Variants in RNF11 observed in about 807,000 individuals in gnomAD.
The protein encoded by RNF11 is ring finger protein 11.
Under a neutral mutation model 15.8 loss-of-function variants are expected in RNF11, and 4 were observed. The ratio of observed to expected loss-of-function variants is 0.25; its 90% CI spans 0.12 to 0.58. RNF11 has a LOEUF of 0.58. RNF11 is among the 20% of genes least tolerant of loss of function. RNF11 has a pLI of 0.91. For missense variants in RNF11, 139 were observed against 194.4 expected (o/e 0.71, Z 1.70); for synonymous variants, 68 against 72.3 (o/e 0.94, Z 0.30).
intron 1 of RNF11, among the ~76,000 whole-genome samples, chr1:51,240,325 A>G (rs1646822788): frequency 6.6e-6 from 1 of 152,050 alleles, no homozygotes; most frequent in Non-Finnish European, 1.5e-5. Flanking sequence ...CCCAGATTTC[A>G]TGGCTGACTG....
chr1:51,271,135 C>T lies in RNF11; in HGVS notation c.294-16C>T, dbSNP rs200631850. 69 of 1,607,762 alleles carry T rather than the reference C, an allele frequency of 4.3e-5. No individual in the cohort carries two copies. Among genetic ancestry groups the T allele is most frequent in the Non-Finnish European group, 5.9e-5 (69 of 1,175,448 alleles). Reference sequence around the variant, plus strand: ...TCTGAAAATGCCTTCTGATTTCTCTCCATTGCTCTCAACAGGTGTGTGATC... The same window carrying T: ...TCTGAAAATGCCTTCTGATTTCTCTTCATTGCTCTCAACAGGTGTGTGATC... On this transcript the variant is annotated splice_polypyrimidine_tract_variant and intron_variant, in intron 2 of 2. Transcript: ENST00000242719.
intron 1 of RNF11, among the ~76,000 whole-genome samples, chr1:51,243,564 G>A (rs1646839611): frequency 6.6e-6 from 1 of 152,014 alleles, no homozygotes; most frequent in South Asian, 2.1e-4. Flanking sequence ...TCAGCCTCCC[G>A]AGTAGCTGGG....
At position 51,271,325 on chromosome 1, in the gene RNF11, C is replaced by T. The variant is rs1388897084; in HGVS notation, c.*3C>T. 1 of 1,607,898 alleles carries T rather than the reference C, an allele frequency of 6.2e-7. No homozygotes were observed. The highest frequency in any genetic ancestry group is 1.1e-5 in the South Asian group (1 of 90,296). ...TTTCATCCTATGAGACTAATTGAGC[C>T]AGGGTCTCTTATCTGACTTCAAGTG... is the stretch of plus-strand genomic sequence containing the variant. On this transcript the variant is annotated 3_prime_UTR_variant, in exon 3 of 3. Transcript: ENST00000242719.
chr1:51,256,349 T>C (rs968669356), intron 1 of RNF11, among the ~76,000 whole-genome samples: 6 of 152,202 alleles, frequency 3.9e-5, no homozygotes, highest in African/African-American at 1.2e-4. Context: ...TTCTTTCATG[T>C]AGTAATATGT....
At chr1:51,264,832 C>A (rs2148073894) in intron 1 of RNF11, 1 of 152,250 alleles carries the variant, frequency 6.6e-6, no homozygotes, top group South Asian at 2.1e-4. Flanking sequence ...AATGTAGTGC[C>A]CTTCAGACAG....
intron 1 of RNF11, among the ~76,000 whole-genome samples, chr1:51,250,121 G>A (rs1346602229): frequency 6.6e-6 from 1 of 151,904 alleles, no homozygotes; most frequent in African/African-American, 2.4e-5. Flanking sequence ...ACCAGTATCT[G>A]GTATTGTCAA....
At chr1:51,270,566 T>G (rs528649234) in intron 2 of RNF11, among the ~76,000 whole-genome samples, 3 of 152,216 alleles carry the variant, frequency 2.0e-5, no homozygotes, top group African/African-American at 7.2e-5. Context: ...TAAAGTAAAA[T>G]AAGAGAAAGT....
At chr1:51,258,098 C>G (rs1041157464) in intron 1 of RNF11, among the ~76,000 whole-genome samples, 4 of 152,098 alleles carry the variant, frequency 2.6e-5, no homozygotes, top group Non-Finnish European at 5.9e-5. Flanking sequence ...AGGTGATCCG[C>G]CTGCCTTGGC....
chr1:51,257,984 G>C (rs1024766520), intron 1 of RNF11, among the ~76,000 whole-genome samples: 1 of 150,466 alleles, frequency 6.6e-6, no homozygotes, highest in Non-Finnish European at 1.5e-5. Flanking sequence ...CTCCCGAGTA[G>C]CTGGGATTAT....
chr1:51,262,570 CAG>C (rs1335183294), intron 1 of RNF11, among the ~76,000 whole-genome samples: 4 of 152,088 alleles, frequency 2.6e-5, no homozygotes, highest in Admixed American at 1.3e-4. Context: ...TTGTTTGAGA[CAG>C]AGTCTCCCTC....
chr1:51,252,174 T>G (rs1281430275), intron 1 of RNF11, among the ~76,000 whole-genome samples: 1 of 152,114 alleles, frequency 6.6e-6, no homozygotes, highest in Non-Finnish European at 1.5e-5. Flanking sequence ...CCTAATATTC[T>G]TTTCTCTGGC....
rs534024550 is a variant in RNF11 at position 51,262,349 on chromosome 1, T to G, written c.124-7607T>G. Among the ~76,000 whole-genome samples, 5 of 152,362 alleles carry G rather than the reference T, an allele frequency of 3.3e-5. No homozygotes were observed. The South Asian group carries it at 1.0e-3, about 32-fold the overall frequency. On this transcript the variant is annotated intron_variant, in intron 1 of 2. Coordinates refer to ENST00000242719, the MANE Select transcript of RNF11 (RefSeq NM_014372.5). ...TCAGAATGGTTCATACACCTAAATG[T>G]AAGAGCTAAAACTTTATAAACCTCT...
chr1:51,236,930 G>C (rs3737060), intron 1 of RNF11, 51 bp downstream of exon 1: 1 of 1,561,538 alleles, frequency 6.4e-7, no homozygotes, highest in East Asian at 2.4e-5. Context: ...CTCTGGCGGA[G>C]ATTGAGGGGG....
intron 1 of RNF11, among the ~76,000 whole-genome samples, chr1:51,249,112 C>T (rs886176636): frequency 2.0e-5 from 3 of 151,924 alleles, no homozygotes; most frequent in Non-Finnish European, 4.4e-5. Flanking sequence ...TCAGTCGGGT[C>T]GGACTAATTG....
At chr1:51,259,452 A>C (rs1292511757) in intron 1 of RNF11, among the ~76,000 whole-genome samples, 1 of 152,228 alleles carries the variant, frequency 6.6e-6, no homozygotes, top group Non-Finnish European at 1.5e-5. Context: ...TATCTGACAC[A>C]CAGTGGCACT....
intron 1 of RNF11, among the ~76,000 whole-genome samples, chr1:51,240,606 C>A (rs1646824998): frequency 1.3e-5 from 2 of 152,074 alleles, no homozygotes; most frequent in South Asian, 4.1e-4. Context: ...ACATGTTAGG[C>A]ATTCAGTAAT....
chr1:51,256,345 C>G (rs1191034711), intron 1 of RNF11, among the ~76,000 whole-genome samples: 3 of 152,136 alleles, frequency 2.0e-5, no homozygotes, highest in Non-Finnish European at 2.9e-5. Context: ...TGGCTTCTTT[C>G]ATGTAGTAAT....
intron 1 of RNF11, among the ~76,000 whole-genome samples, chr1:51,258,368 C>T (rs532011745): frequency 6.6e-6 from 1 of 152,184 alleles, no homozygotes; most frequent in South Asian, 2.1e-4. Flanking sequence ...AGGAGAAATG[C>T]ATTTAAACAA....
chr1:51,259,877 A>G (rs892061566), intron 1 of RNF11, among the ~76,000 whole-genome samples: 1 of 152,256 alleles, frequency 6.6e-6, no homozygotes, highest in African/African-American at 2.4e-5. Flanking sequence ...GAAAGATTTC[A>G]GAAACACTAA....
Sources: allele counts gnomAD v4.1 joint callset (sites outside exome capture counted in the v4.1 genomes callset), GRCh38; gene constraint gnomAD v4.1.1; transcripts MANE v1.5; gene names NCBI Gene and HGNC (gene_info 2026-07-23, HGNC 2026-07-21).